The following SLC25A44 variants were observed in gnomAD, a reference collection of about 807,000 sequenced individuals.
SLC25A44 encodes the protein solute carrier family 25 member 44.
A neutral mutation model predicts 29.9 loss-of-function variants in SLC25A44; 17 were observed. That is an observed-to-expected ratio of 0.57 (90% CI 0.39 to 0.85). The LOEUF is 0.85. SLC25A44 is among the 40% of genes least tolerant of loss of function. The pLI is 0.00. For synonymous variants in SLC25A44, 140 were observed against 151.8 expected (o/e 0.92, Z 0.57); for missense variants, 302 against 398.4 (o/e 0.76, Z 2.06).
chr1:156,202,380 A>G (rs948590275), intron 2 of SLC25A44, among the ~76,000 whole-genome samples: 3 of 152,162 alleles, frequency 2.0e-5, no homozygotes, highest in Non-Finnish European at 4.4e-5. Context: ...AATAAAATCC[A>G]AACTCTTCAG....
intron 1 of SLC25A44, among the ~76,000 whole-genome samples, chr1:156,194,618 GGGA>G (rs1484395748): frequency 6.6e-6 from 1 of 152,190 alleles, no homozygotes; most frequent in Non-Finnish European, 1.5e-5. Flanking sequence ...GTCCGAGGTA[GGGA>G]GGAGATGATC....
At position 156,210,499 on chromosome 1, in the gene SLC25A44, A is replaced by G; in HGVS notation, c.*68A>G. On this transcript the variant is annotated 3_prime_UTR_variant, in exon 4 of 4. Transcript: ENST00000359511. Reference sequence around the variant, plus strand: ...GGGTCAGGGGCAGAGTGGAGAGGACAGCACCCTCTCCAGGTGCTCCCACCA... The same window carrying G: ...GGGTCAGGGGCAGAGTGGAGAGGACGGCACCCTCTCCAGGTGCTCCCACCA... 8.3e-7 allele frequency: 1 copy of G among 1,203,892 alleles called. No individual in the cohort carries two copies. The highest frequency in any genetic ancestry group is 2.7e-5 in the East Asian group (1 of 37,310). The allele number at this position is 1,203,892 out of a possible 1,614,324, so 74.6% of individuals were successfully genotyped here. A position where few individuals can be genotyped will look rare whatever the true frequency, so the allele number is the denominator to read the frequency against.
chr1:156,196,364 G>A (rs900517082), intron 1 of SLC25A44: 5 of 152,154 alleles, frequency 3.3e-5, no homozygotes, highest in African/African-American at 1.2e-4. Flanking sequence ...ATCCCTCTAA[G>A]GCATGACCCT....
At position 156,211,118 on chromosome 1, in the gene SLC25A44, C is replaced by G. The variant is rs1657291691; in HGVS notation, c.*687C>G. ...TGTGTGTGTTTTAACATCTGTGAACCAGGCTATTAGTCCTGCTAAAGCGCC... is the reference window on the plus strand; with the variant it reads ...TGTGTGTGTTTTAACATCTGTGAACGAGGCTATTAGTCCTGCTAAAGCGCC... On this transcript the variant is annotated 3_prime_UTR_variant, in exon 4 of 4. Transcript: ENST00000359511. 6.8e-6 allele frequency: 1 copy of G among 147,028 alleles called. No homozygotes were observed. The highest frequency in any genetic ancestry group is 1.5e-5 in the Non-Finnish European group (1 of 67,174). The allele number at this position is 147,028 out of a possible 1,614,324, so 9.1% of individuals were successfully genotyped here. A position where few individuals can be genotyped will look rare whatever the true frequency, so the allele number is the denominator to read the frequency against.
chr1:156,200,385 C>A lies in SLC25A44; in HGVS notation c.538C>A (p.Arg180Ser). The A allele has an allele frequency of 2.5e-6, 4 of 1,614,080 alleles. No homozygotes were observed. The highest frequency in any genetic ancestry group is 3.4e-6 in the Non-Finnish European group (4 of 1,180,032). ...IRQILQADGL[R>S]GFYRGYVASL... ...GCAGATCCTGCAGGCTGATGGACTT[C>A]GCGGCTTCTATCGAGGCTATGTGGC... Residue 180 changes from arginine to serine, a missense_variant, in exon 2 of 4, where the codon CGC becomes AGC. Transcript: ENST00000359511.
chr1:156,207,240 C>T (rs911782310), intron 2 of SLC25A44, among the ~76,000 whole-genome samples: 10 of 150,616 alleles, frequency 6.6e-5, no homozygotes, highest in East Asian at 2.0e-4. Flanking sequence ...TGCAGTGGCG[C>T]GATCTTGGCT....
At chr1:156,197,329 G>C (rs1372064538) in intron 1 of SLC25A44, 1 of 152,174 alleles carries the variant, frequency 6.6e-6, no homozygotes, top group Non-Finnish European at 1.5e-5. Flanking sequence ...TTCTCTTGAC[G>C]GCAGAACTTT....
At chr1:156,194,749 G>A (rs1290895171) in intron 1 of SLC25A44, among the ~76,000 whole-genome samples, 2 of 152,230 alleles carry the variant, frequency 1.3e-5, no homozygotes, top group African/African-American at 2.4e-5. Context: ...CTCCCAGGAT[G>A]CAGATGCAAT....
In SLC25A44 at chr1:156,212,135, C is replaced by T. The variant is rs747548076; in HGVS notation, c.*1704C>T. ...GTTCACATCCAAAGGGTTGGACCCA[C>T]GGATCATTCTGAATCTTCCTGCCCC... On this transcript the variant is annotated 3_prime_UTR_variant, in exon 4 of 4. Coordinates refer to ENST00000359511, the MANE Select transcript of SLC25A44 (RefSeq NM_014655.4). The T allele has an allele frequency of 4.6e-5, 7 of 152,640 alleles. No homozygotes were observed. The highest frequency in any genetic ancestry group is 2.0e-4 in the Admixed American group (3 of 15,280). The allele number at this position is 152,640 out of a possible 1,614,324, so 9.5% of individuals were successfully genotyped here.
chr1:156,199,538 T>G, intron 1 of SLC25A44: 1 of 372,222 alleles, frequency 2.7e-6, no homozygotes. Flanking sequence ...TAAGCTGGGG[T>G]AGGGAGCCGA....
intron 1 of SLC25A44, among the ~76,000 whole-genome samples, chr1:156,194,738 G>A (rs554259952): frequency 2.0e-5 from 3 of 152,320 alleles, no homozygotes; most frequent in Admixed American, 2.0e-4. Context: ...GTGGTAGATA[G>A]CTCCCAGGAT....
intron 2 of SLC25A44, among the ~76,000 whole-genome samples, chr1:156,207,421 T>C (rs537281631): frequency 3.9e-5 from 6 of 152,160 alleles, no homozygotes; most frequent in Admixed American, 1.3e-4. Flanking sequence ...CCTCATGATC[T>C]GCCCGCCTTG....
intron 1 of SLC25A44, chr1:156,196,351 C>T (rs905941496): frequency 2.0e-5 from 3 of 152,174 alleles, no homozygotes; most frequent in Non-Finnish European, 4.4e-5. Flanking sequence ...GTTGTAGTGG[C>T]TTATCCCTCT....
intron 1 of SLC25A44, 24 bp from the exon 2 acceptor site, chr1:156,199,811 C>T: frequency 6.3e-7 from 1 of 1,581,326 alleles, no homozygotes; most frequent in Non-Finnish European, 8.6e-7. Context: ...TTCTTCACAT[C>T]CCTCCATACT....
chr1:156,200,159 C>A lies in SLC25A44; in HGVS notation c.312C>A (p.Tyr104Ter). The change falls in exon 2 of 4, where the codon TAC becomes TAA. Residue 104 changes from tyrosine (Y) to a stop codon, truncating the protein, a stop_gained. Coordinates refer to ENST00000359511, the MANE Select transcript of SLC25A44 (RefSeq NM_014655.4). LOFTEE classifies it high-confidence loss of function. ...TCACCCGGAAGTTTGTAGCTGACTACAGCCAGAGTAACACAGTCAAATCAC... is the reference window on the plus strand; with the variant it reads ...TCACCCGGAAGTTTGTAGCTGACTAAAGCCAGAGTAACACAGTCAAATCAC... ...YELTRKFVAD[Y>*]SQSNTVKSLV... is the part of the protein sequence containing the mutation. The A allele has an allele frequency of 1.2e-6, 2 of 1,614,200 alleles. No homozygotes were observed. The highest frequency in any genetic ancestry group is 2.7e-5 in the African/African-American group (2 of 75,050).
rs1428515007 is a variant in SLC25A44, at chr1:156,207,174, A to C, written c.626-712A>C. On this transcript the variant is annotated intron_variant, in intron 2 of 3. Transcript: ENST00000359511. Reference sequence around the variant, plus strand: ...GCAACATAGTGAGACTCTCTATACAAAACATTTTTTTTTTTTTTTTTGAGA... The same window carrying C: ...GCAACATAGTGAGACTCTCTATACACAACATTTTTTTTTTTTTTTTTGAGA... Among the ~76,000 whole-genome samples, 3 of 148,066 alleles carry C rather than the reference A, an allele frequency of 2.0e-5. No homozygotes were observed. The East Asian group carries it at 5.9e-4, about 29-fold the overall frequency.
At chr1:156,206,857 C>T (rs1656965303) in intron 2 of SLC25A44, among the ~76,000 whole-genome samples, 1 of 152,152 alleles carries the variant, frequency 6.6e-6, no homozygotes, top group African/African-American at 2.4e-5. Context: ...TTAATGTATC[C>T]TACCAGAGTT....
intron 2 of SLC25A44, 94 bp from the exon 3 acceptor site, chr1:156,207,792 G>T: frequency 6.9e-7 from 1 of 1,441,094 alleles, no homozygotes. Flanking sequence ...GGTTTGTCTG[G>T]GTTGGGAAAG....
At chr1:156,209,972 G>C (rs534306196) in intron 3 of SLC25A44, among the ~76,000 whole-genome samples, 1 of 151,882 alleles carries the variant, frequency 6.6e-6, no homozygotes, top group South Asian at 2.1e-4. Flanking sequence ...TATTATCACT[G>C]TTTTATATTT....
Sources: gnomAD v4.1 joint callset for allele counts (sites outside exome capture counted in the v4.1 genomes callset) on GRCh38, gnomAD v4.1.1 for gene constraint, MANE v1.5 for transcripts, NCBI Gene and HGNC (gene_info 2026-07-23, HGNC 2026-07-21) for gene names.